The following MYCT1 variants were observed in gnomAD, a reference collection of about 807,000 sequenced individuals.
MYCT1 encodes MYC target 1, also known as myc target protein 1.
A neutral mutation model predicts 15.0 loss-of-function variants in MYCT1; 12 were observed. The ratio of observed to expected loss-of-function variants is 0.80; its 90% CI spans 0.51 to 1.29. MYCT1 has a LOEUF of 1.29. MYCT1 is among the 50% of genes most tolerant of loss of function. MYCT1 has a pLI of 0.00. For synonymous variants in MYCT1, 104 were observed against 102.7 expected, an observed-to-expected ratio of 1.01 and a Z score of -0.07; for missense variants, 287 against 279.1, an observed-to-expected ratio of 1.03 and a Z score of -0.20.
chr6:152,713,523 A>G (rs1485416860), intron 1 of MYCT1, among the ~76,000 whole-genome samples: 1 of 152,116 alleles, frequency 6.6e-6, no homozygotes, highest in African/African-American at 2.4e-5. Context: ...GTTATGATGT[A>G]TGTTTTCCCC....
At chr6:152,725,866 C>T (rs2099725565), downstream of MYCT1, among the ~76,000 whole-genome samples, 1 of 152,072 alleles carries the variant, frequency 6.6e-6, no homozygotes, top group African/African-American at 2.4e-5. Flanking sequence ...CATTCCGTAT[C>T]AGATGTGAGT....
intron 1 of MYCT1, among the ~76,000 whole-genome samples, chr6:152,705,383 T>A (rs2099722082): frequency 6.6e-6 from 1 of 152,212 alleles, no homozygotes; most frequent in African/African-American, 2.4e-5. Flanking sequence ...CAGTTTCTAC[T>A]GAATGCTTAT....
intron 1 of MYCT1, among the ~76,000 whole-genome samples, chr6:152,707,266 C>T (rs2129069054): frequency 6.6e-6 from 1 of 152,140 alleles, no homozygotes; most frequent in East Asian, 1.9e-4. Context: ...TTATGTTGAG[C>T]ATTTTTTCAT....
At chr6:152,742,134 A>G in the MYCT1 span, among the ~76,000 whole-genome samples, 1 of 152,144 alleles carries the variant, frequency 6.6e-6, no homozygotes, top group Non-Finnish European at 1.5e-5. Flanking sequence ...GATGGAGGAA[A>G]TGTCATTGTA....
chr6:152,705,980 G>A, intron 1 of MYCT1: 2 of 801,116 alleles, frequency 2.5e-6, no homozygotes, highest in Non-Finnish European at 4.5e-6. Flanking sequence ...CAAAGATTGT[G>A]AGAGCTGCTT....
At chr6:152,744,588 G>A in the MYCT1 span, among the ~76,000 whole-genome samples, 1 of 152,152 alleles carries the variant, frequency 6.6e-6, no homozygotes, top group Non-Finnish European at 1.5e-5. Context: ...CTGCAGGAGA[G>A]AGGCCACCCT....
At chr6:152,729,615 G>A in the MYCT1 span, among the ~76,000 whole-genome samples, 1 of 152,146 alleles carries the variant, frequency 6.6e-6, no homozygotes, top group Non-Finnish European at 1.5e-5. Flanking sequence ...AACATTTCGT[G>A]GTAGGATGAA....
Position 152,722,469 on chromosome 6 carries a change from C to G in MYCT1, c.*216C>G, listed in dbSNP as rs766974288. The G allele has an allele frequency of 4.0e-6, 2 of 503,700 alleles. No individual in the cohort carries two copies. The highest frequency in any genetic ancestry group is 6.9e-6 in the Non-Finnish European group (2 of 291,642). The allele number at this position is 503,700 out of a possible 1,614,324, so 31.2% of individuals were successfully genotyped here. On this transcript the variant is annotated 3_prime_UTR_variant, in exon 2 of 2. Coordinates refer to ENST00000367245, the MANE Select transcript of MYCT1 (RefSeq NM_025107.3). ...AAAAAATGTAATATTTTCCCCCAAG[C>G]GTTTTATATTTATGTATTTTGTATT...
chr6:152,741,624 G>C, the MYCT1 span, among the ~76,000 whole-genome samples: 2 of 152,158 alleles, frequency 1.3e-5, no homozygotes, highest in East Asian at 3.9e-4. Flanking sequence ...CATTCTAAAG[G>C]GGTAATGAAT....
the MYCT1 span, among the ~76,000 whole-genome samples, chr6:152,744,596 C>G: frequency 6.6e-6 from 1 of 152,074 alleles, no homozygotes; most frequent in Admixed American, 6.5e-5. Flanking sequence ...GAGAGGCCAC[C>G]CTGCAGAAAC....
the MYCT1 span, among the ~76,000 whole-genome samples, chr6:152,736,326 G>A: frequency 6.6e-6 from 1 of 152,042 alleles, no homozygotes. Context: ...AATACAGCAA[G>A]GAATTTTATG....
At position 152,703,479 on chromosome 6, in the gene MYCT1, A is replaced by C. The variant is rs544052166; in HGVS notation, c.196+5381A>C. ...TCTGAATTCTATCTGTAACATTTTTATAATACTCATTTTCTTTGTCATTCT... is the reference window on the plus strand; with the variant it reads ...TCTGAATTCTATCTGTAACATTTTTCTAATACTCATTTTCTTTGTCATTCT... On this transcript the variant is annotated intron_variant, in intron 1 of 1. Coordinates refer to ENST00000367245, the MANE Select transcript of MYCT1 (RefSeq NM_025107.3). Among the ~76,000 whole-genome samples, 15 of 152,316 alleles carry C rather than the reference A, an allele frequency of 9.8e-5. No individual in the cohort carries two copies. The East Asian group carries it at 2.9e-3, about 29-fold the overall frequency.
chr6:152,707,728 C>G (rs2099722543), intron 1 of MYCT1, among the ~76,000 whole-genome samples: 1 of 151,990 alleles, frequency 6.6e-6, no homozygotes, highest in Non-Finnish European at 1.5e-5. Context: ...ATGCAGTTTT[C>G]CCATTACCTC....
chr6:152,733,832 C>T, the MYCT1 span, among the ~76,000 whole-genome samples: 3 of 152,214 alleles, frequency 2.0e-5, no homozygotes, highest in East Asian at 3.9e-4. Flanking sequence ...AAATGCTCCT[C>T]AAGTTGTCAC....
the MYCT1 span, among the ~76,000 whole-genome samples, chr6:152,742,579 A>G: frequency 6.6e-6 from 1 of 152,304 alleles, no homozygotes; most frequent in Non-Finnish European, 1.5e-5. Flanking sequence ...AGATCACTTT[A>G]GCAGCATTAT....
chr6:152,746,340 A>C, the MYCT1 span, among the ~76,000 whole-genome samples: 1 of 152,218 alleles, frequency 6.6e-6, no homozygotes. Context: ...CAAATTGGCT[A>C]AGTGACTACC....
chr6:152,742,741 C>T, the MYCT1 span, among the ~76,000 whole-genome samples: 1 of 152,126 alleles, frequency 6.6e-6, no homozygotes, highest in African/African-American at 2.4e-5. Context: ...CATTGATTTC[C>T]CCCATCACAC....
At chr6:152,725,509 C>A (rs1448135413), downstream of MYCT1, among the ~76,000 whole-genome samples, 1 of 152,168 alleles carries the variant, frequency 6.6e-6, no homozygotes, top group Non-Finnish European at 1.5e-5. Context: ...TGGTCTCAAA[C>A]TCCTGGCTTC....
chr6:152,743,662 C>A, the MYCT1 span, among the ~76,000 whole-genome samples: 2 of 152,228 alleles, frequency 1.3e-5, no homozygotes, highest in African/African-American at 2.4e-5. Context: ...GCTGGCCTCA[C>A]AACCCACTTG....
Sources: gnomAD v4.1 joint callset for allele counts (sites outside exome capture counted in the v4.1 genomes callset) on GRCh38, gnomAD v4.1.1 for gene constraint, MANE v1.5 for transcripts, NCBI Gene and HGNC (gene_info 2026-07-23, HGNC 2026-07-21) for gene names.